Variants in ZNF143 observed in about 807,000 individuals in gnomAD.
ZNF143 encodes SPH-binding factor.
Under a neutral mutation model 74.1 loss-of-function variants are expected in ZNF143, and 49 were observed. That is an observed-to-expected ratio of 0.66 (90% CI 0.53 to 0.84). The LOEUF (loss-of-function observed/expected upper bound fraction) is 0.84. Ranked by LOEUF, ZNF143 falls within the 40% of genes least tolerant of loss-of-function variation. ZNF143 has a pLI of 0.00. For synonymous variants in ZNF143, 304 were observed against 282.8 expected, an observed-to-expected ratio of 1.07 and a Z score of -0.75; for missense variants, 637 against 793.4, an observed-to-expected ratio of 0.80 and a Z score of 2.37.
chr11:9,465,693 GT>G (rs1856166422), intron 1 of ZNF143, among the ~76,000 whole-genome samples: 2 of 149,102 alleles, frequency 1.3e-5, no homozygotes, highest in African/African-American at 5.0e-5. Context: ...TGTATTTTTG[GT>G]AGAGACGGGG....
intron 11 of ZNF143, among the ~76,000 whole-genome samples, chr11:9,502,737 T>G (rs937665353): frequency 6.6e-6 from 1 of 152,110 alleles, no homozygotes; most frequent in Admixed American, 6.6e-5. Flanking sequence ...GAAGCAGTCC[T>G]TTCCCCACCC....
At chr11:9,514,100 G>A (rs1230719402) in intron 13 of ZNF143, among the ~76,000 whole-genome samples, 4 of 152,104 alleles carry the variant, frequency 2.6e-5, no homozygotes, top group African/African-American at 4.8e-5. Context: ...GTCTCACTGT[G>A]TTATCCAGGC....
chr11:9,512,449 T>C lies in ZNF143; in HGVS notation c.1377T>C (p.Gly459=). The C allele has an allele frequency of 6.2e-7, 1 of 1,613,556 alleles. No individual in the cohort carries two copies. Among genetic ancestry groups the C allele is most frequent in the Non-Finnish European group, 8.5e-7 (1 of 1,179,626 alleles). ...AAATGATTCATTTGTTTTAAACAGG[T>C]CAAGGTGAAGATGTTCTTAAAGGGT... The part of the protein sequence containing the change: ...EQEAFFEPPP[G]QGEDVLKGSQ... Residue 459 remains glycine, a splice_region_variant and synonymous_variant, in exon 13 of 16, where the codon GGT becomes GGC. Transcript: ENST00000396602.
At chr11:9,505,415 G>A (rs1020040207) in intron 11 of ZNF143, among the ~76,000 whole-genome samples, 6 of 151,938 alleles carry the variant, frequency 3.9e-5, no homozygotes, top group South Asian at 2.1e-4. Context: ...GATTACAGGC[G>A]CATGTCATCA....
Position 9,497,451 on chromosome 11 carries a change from G to C in ZNF143, c.842-224G>C, listed in dbSNP as rs536070217. Among the ~76,000 whole-genome samples, 8 of 152,094 alleles carry C rather than the reference G, an allele frequency of 5.3e-5. No homozygotes were observed. The South Asian group carries it at 1.0e-3, about 20-fold the overall frequency. On this transcript the variant is annotated intron_variant, in intron 9 of 15. Coordinates refer to ENST00000396602, the MANE Select transcript of ZNF143 (RefSeq NM_003442.6). ...TTACCATGTTGGCCAGGCTGAGCTC[G>C]AACTCCTGACTTCAGGTGATCCGCC...
At chr11:9,524,045 C>CAAAAAA (rs533664056) in intron 14 of ZNF143, among the ~76,000 whole-genome samples, 24 of 86,766 alleles carry the variant, frequency 2.8e-4, no homozygotes, top group Non-Finnish European at 4.7e-4. Context: ...GAGACTACCT[C>CAAAAAA]AAAAAAAAAA....
intron 7 of ZNF143, among the ~76,000 whole-genome samples, chr11:9,484,253 G>A (rs1046747227): frequency 2.6e-5 from 4 of 151,240 alleles, no homozygotes; most frequent in Admixed American, 1.3e-4. Flanking sequence ...GAGTGCAGTG[G>A]CCTGATCTCA....
intron 14 of ZNF143, among the ~76,000 whole-genome samples, chr11:9,516,843 C>A (rs1386431067): frequency 6.6e-6 from 1 of 152,098 alleles, no homozygotes; most frequent in Non-Finnish European, 1.5e-5. Flanking sequence ...TTTGTGTATT[C>A]TTCCAGTCAT....
At chr11:9,502,706 C>G (rs1405316686) in intron 11 of ZNF143, among the ~76,000 whole-genome samples, 1 of 152,022 alleles carries the variant, frequency 6.6e-6, no homozygotes, top group East Asian at 1.9e-4. Context: ...TTCATTTCCC[C>G]TAAAAGAAAT....
At chr11:9,480,499 A>G (rs1000889891) in intron 7 of ZNF143, among the ~76,000 whole-genome samples, 2 of 152,314 alleles carry the variant, frequency 1.3e-5, no homozygotes, top group African/African-American at 2.4e-5. Flanking sequence ...ACTTAGTGAC[A>G]TTGAGTGATA....
intron 7 of ZNF143, among the ~76,000 whole-genome samples, chr11:9,492,989 T>C (rs1363094786): frequency 6.6e-6 from 1 of 151,902 alleles, no homozygotes; most frequent in Non-Finnish European, 1.5e-5. Context: ...CCAGAAAAAA[T>C]GTGGAATTAT....
chr11:9,525,377 T>G lies in ZNF143; in HGVS notation c.1824T>G (p.Ile608Met). ...TLVATSNGTQ[I>M]AVQLGEQPSL... Reference sequence around the variant, plus strand: ...TAGCAACATCCAATGGCACCCAGATTGCAGTTCAGGTGAGTACCAAGGCAT... The same window carrying G: ...TAGCAACATCCAATGGCACCCAGATGGCAGTTCAGGTGAGTACCAAGGCAT... Residue 608 changes from isoleucine (I) to methionine (M), a missense_variant, in exon 15 of 16, where the codon ATT (isoleucine) becomes ATG (methionine). This residue lies in a region of ZNF143 where 344 missense variants were observed against 485.6 expected (regional missense o/e 0.71). Transcript: ENST00000396602. 1 of 1,614,102 alleles carries G rather than the reference T, an allele frequency of 6.2e-7. No individual in the cohort carries two copies. Among genetic ancestry groups the G allele is most frequent in the Non-Finnish European group, 8.5e-7 (1 of 1,179,992 alleles).
intron 7 of ZNF143, among the ~76,000 whole-genome samples, chr11:9,485,347 CTTTTTTT>C (rs544497040): frequency 5.4e-5 from 6 of 110,446 alleles, no homozygotes; most frequent in Non-Finnish European, 1.1e-4. Flanking sequence ...TTCTCTCTCT[CTTTTTTT>C]TTTTTTTTTT....
At chr11:9,503,951 C>A (rs1405695301) in intron 11 of ZNF143, among the ~76,000 whole-genome samples, 1 of 53,088 alleles carries the variant, frequency 1.9e-5, no homozygotes, top group Non-Finnish European at 4.1e-5. Flanking sequence ...CACGCCTTGC[C>A]TTTTTTTTTT....
At chr11:9,487,608 C>G (rs1159358285) in intron 7 of ZNF143, among the ~76,000 whole-genome samples, 1 of 152,050 alleles carries the variant, frequency 6.6e-6, no homozygotes, top group East Asian at 1.9e-4. Flanking sequence ...CCGCCTGCCT[C>G]GGCCTCCCAG....
chr11:9,490,407 A>G (rs1847729373), intron 7 of ZNF143, among the ~76,000 whole-genome samples: 1 of 144,682 alleles, frequency 6.9e-6, no homozygotes, highest in Non-Finnish European at 1.5e-5. Flanking sequence ...CTCCTGCTTG[A>G]TGACAGCCTG....
chr11:9,491,332 T>C (rs1847766741), intron 7 of ZNF143, among the ~76,000 whole-genome samples: 4 of 152,108 alleles, frequency 2.6e-5, no homozygotes, highest in African/African-American at 9.7e-5. Context: ...TGTATTACTT[T>C]TTTGTTTATT....
At chr11:9,488,353 A>G (rs1003997713) in intron 7 of ZNF143, among the ~76,000 whole-genome samples, 1 of 152,192 alleles carries the variant, frequency 6.6e-6, no homozygotes, top group Non-Finnish European at 1.5e-5. Flanking sequence ...TTCATTGTCT[A>G]GGCTTGCTGT....
At chr11:9,478,710 G>C (rs1049929475) in intron 6 of ZNF143, 124 bp downstream of exon 6, 13 of 1,111,460 alleles carry the variant, frequency 1.2e-5, no homozygotes, top group Admixed American at 1.0e-4. Flanking sequence ...TGGGCATGGC[G>C]TGATGGCTCA....
Sources: allele counts gnomAD v4.1 joint callset (sites outside exome capture counted in the v4.1 genomes callset), GRCh38; gene constraint gnomAD v4.1.1; regional missense constraint gnomAD v4.1.1; transcripts MANE v1.5; gene names NCBI Gene and HGNC (gene_info 2026-07-23, HGNC 2026-07-21).